SOX6: variants seen among roughly 807,000 people sequenced by gnomAD.
The protein encoded by SOX6 is transcription factor SOX-6.
Under a neutral mutation model 97.8 loss-of-function variants are expected in SOX6, and 11 were observed. The observed-to-expected ratio is 0.11, with a 90% confidence interval of 0.07 to 0.19. The LOEUF is 0.19. Among genes scored for constraint, SOX6 ranks in the 10% least tolerant of loss-of-function variants. The probability of loss-of-function intolerance (pLI) is 1.00; values close to 1 mark genes in which losing one functional copy is unlikely to be tolerated. For synonymous variants in SOX6, 360 were observed against 371.4 expected, an observed-to-expected ratio of 0.97 and a Z score of 0.35; for missense variants, 810 against 1,039.5, an observed-to-expected ratio of 0.78 and a Z score of 3.04.
chr11:16,066,654 C>A (rs1389383856), intron 9 of SOX6, among the ~76,000 whole-genome samples: 1 of 152,084 alleles, frequency 6.6e-6, no homozygotes, highest in East Asian at 1.9e-4. Context: ...CACAGAAAGA[C>A]AAACATCATG....
intron 3 of SOX6, among the ~76,000 whole-genome samples, chr11:16,280,420 C>T (rs963185870): frequency 6.7e-6 from 1 of 150,330 alleles, no homozygotes; most frequent in South Asian, 2.1e-4. Context: ...CTTTCACTTT[C>T]TAGAAAGTGG....
At chr11:16,061,303 C>CAA (rs67980023) in intron 9 of SOX6, among the ~76,000 whole-genome samples, 6,119 of 121,222 alleles carry the variant, frequency 0.05, 572 homozygotes, top group East Asian at 0.45. Flanking sequence ...ACAATAGCTA[C>CAA]AAAAAAAAAA....
intron 4 of SOX6, among the ~76,000 whole-genome samples, chr11:16,516,946 C>A (rs1289879771): frequency 7.0e-6 from 1 of 143,758 alleles, no homozygotes; most frequent in African/African-American, 2.6e-5. Context: ...ACTGGCAAAC[C>A]GAATCCAGCA....
chr11:16,187,629 C>G (rs1294587913), intron 4 of SOX6, among the ~76,000 whole-genome samples: 1 of 152,022 alleles, frequency 6.6e-6, no homozygotes, highest in South Asian at 2.1e-4. Context: ...TCTATCACCC[C>G]TTTGTCATTT....
At chr11:16,111,674 T>C in intron 7 of SOX6, 129 bp downstream of exon 7, 5 of 1,292,020 alleles carry the variant, frequency 3.9e-6, no homozygotes, top group South Asian at 1.3e-5. Context: ...CTAATTTTAC[T>C]TTAAAATAAG....
At chr11:16,396,975 A>C (rs1157794293) in intron 1 of SOX6, among the ~76,000 whole-genome samples, 1 of 151,510 alleles carries the variant, frequency 6.6e-6, no homozygotes, top group African/African-American at 2.4e-5. Flanking sequence ...GACCCCAAAA[A>C]TATCAGAACC....
At chr11:16,585,680 A>T (rs1029313441) in intron 4 of SOX6, among the ~76,000 whole-genome samples, 103 of 91,020 alleles carry the variant, frequency 1.1e-3, no homozygotes, top group Middle Eastern at 6.0e-3. Flanking sequence ...TTTTTTTTTT[A>T]CTTTTTTTTT....
At chr11:16,294,355 T>A (rs1302140531) in intron 3 of SOX6, among the ~76,000 whole-genome samples, 1 of 152,136 alleles carries the variant, frequency 6.6e-6, no homozygotes, top group African/African-American at 2.4e-5. Context: ...TTTACTTAGA[T>A]CTAGGAGTAA....
intron 9 of SOX6, among the ~76,000 whole-genome samples, chr11:16,080,802 T>G (rs980177180): frequency 6.6e-6 from 1 of 152,046 alleles, no homozygotes; most frequent in Non-Finnish European, 1.5e-5. Context: ...GAACAATTAA[T>G]TTGGACAGAG....
At chr11:16,269,261 C>T (rs1231559766) in intron 3 of SOX6, among the ~76,000 whole-genome samples, 3 of 12,990 alleles carry the variant, frequency 2.3e-4, no homozygotes, top group Non-Finnish European at 9.3e-3. Context: ...GGACTTTATT[C>T]TCCTTGTTTA....
At chr11:16,211,984 T>C (rs1007134995) in intron 4 of SOX6, among the ~76,000 whole-genome samples, 6 of 152,142 alleles carry the variant, frequency 3.9e-5, no homozygotes, top group African/African-American at 1.2e-4. Context: ...AGGAGTTCTC[T>C]TTTAGACATA....
chr11:16,533,431 C>T (rs1861263210), intron 4 of SOX6, among the ~76,000 whole-genome samples: 2 of 151,866 alleles, frequency 1.3e-5, no homozygotes, highest in East Asian at 3.9e-4. Flanking sequence ...TCTGAGAAGT[C>T]ATATTCTGAA....
chr11:16,659,326 CT>C (rs1174107180), intron 3 of SOX6, among the ~76,000 whole-genome samples: 1 of 152,096 alleles, frequency 6.6e-6, no homozygotes, highest in Non-Finnish European at 1.5e-5. Flanking sequence ...GCCTTTGCAC[CT>C]TTTGCCAAAG....
chr11:16,010,125 TACACACACACACACAC>T (rs67556517), intron 13 of SOX6, among the ~76,000 whole-genome samples: 41 of 135,574 alleles, frequency 3.0e-4, no homozygotes, highest in African/African-American at 8.0e-4. Context: ...CAGTTGGAGC[TACACACACACACACAC>T]ACACACACAC....
chr11:16,423,045 TA>T (rs1459412049), intron 1 of SOX6, among the ~76,000 whole-genome samples: 1 of 152,186 alleles, frequency 6.6e-6, no homozygotes, highest in Non-Finnish European at 1.5e-5. Flanking sequence ...CTATCTCACT[TA>T]GAGAAAACCC....
chr11:15,992,892 CT>C (rs59369610), intron 13 of SOX6, among the ~76,000 whole-genome samples: 14,479 of 151,452 alleles, frequency 0.096, 1,410 homozygotes, highest in East Asian at 0.36. Flanking sequence ...CCCAATATTA[CT>C]TTTTTTTTCA....
chr11:16,397,220 C>A (rs1355823098), intron 1 of SOX6, among the ~76,000 whole-genome samples: 1 of 151,348 alleles, frequency 6.6e-6, no homozygotes, highest in Non-Finnish European at 1.5e-5. Context: ...CAAATCTAAT[C>A]ATGTATTTTT....
At chr11:15,980,877 A>ATG (rs1853634113) in intron 15 of SOX6, among the ~76,000 whole-genome samples, 2 of 151,958 alleles carry the variant, frequency 1.3e-5, no homozygotes, top group African/African-American at 4.8e-5. Context: ...TTGTGTGTGT[A>ATG]TGTGTGTGTA....
intron 9 of SOX6, among the ~76,000 whole-genome samples, chr11:16,057,228 T>C (rs1421583066): frequency 6.6e-6 from 1 of 152,162 alleles, no homozygotes; most frequent in African/African-American, 2.4e-5. Context: ...TGTGCTCCCA[T>C]GCTTCTCTCT....
Sources: gnomAD v4.1 joint callset for allele counts (sites outside exome capture counted in the v4.1 genomes callset) on GRCh38, gnomAD v4.1.1 for gene constraint, MANE v1.5 for transcripts, NCBI Gene and HGNC (gene_info 2026-07-23, HGNC 2026-07-21) for gene names.